CADPS2: variants seen among roughly 807,000 people sequenced by gnomAD.
CADPS2 encodes calcium dependent secretion activator 2.
Under a neutral mutation model 172.5 loss-of-function variants are expected in CADPS2, and 93 were observed. The ratio of observed to expected loss-of-function variants is 0.54; its 90% CI spans 0.46 to 0.64. The LOEUF (loss-of-function observed/expected upper bound fraction) is 0.64. CADPS2 is among the 30% of genes least tolerant of loss of function. CADPS2 has a pLI of 0.00. For synonymous variants in CADPS2, 546 were observed against 555.2 expected (o/e 0.98, Z 0.23); for missense variants, 1,420 against 1,565.9 (o/e 0.91, Z 1.57).
intron 8 of CADPS2, among the ~76,000 whole-genome samples, chr7:122,531,873 A>T (rs2061785040): frequency 1.3e-5 from 2 of 152,072 alleles, no homozygotes; most frequent in Admixed American, 1.3e-4. Context: ...TCTACTAAAA[A>T]TACAAAAATT....
chr7:122,393,690 T>G, intron 20 of CADPS2, 108 bp from the exon 21 acceptor site: 1 of 1,136,390 alleles, frequency 8.8e-7, no homozygotes, highest in Non-Finnish European at 1.3e-6. Flanking sequence ...ACAGAAGAAC[T>G]GATAAAATGC....
At chr7:122,489,999 T>C (rs2058144493) in intron 11 of CADPS2, 82 bp downstream of exon 11, 1 of 1,162,072 alleles carries the variant, frequency 8.6e-7, no homozygotes. Flanking sequence ...ATGTAAACTA[T>C]AATACTGAAT....
chr7:122,789,282 G>T (rs1002251039), intron 1 of CADPS2, among the ~76,000 whole-genome samples: 2 of 152,140 alleles, frequency 1.3e-5, no homozygotes, highest in African/African-American at 4.8e-5. Flanking sequence ...ATACTCTTCA[G>T]AAAGGAAGCT....
intron 1 of CADPS2, among the ~76,000 whole-genome samples, chr7:122,844,709 CAA>C (rs1811495522): frequency 6.6e-6 from 1 of 152,058 alleles, no homozygotes; most frequent in Admixed American, 6.6e-5. Flanking sequence ...TGTATACAAT[CAA>C]GAGTTTATCC....
intron 1 of CADPS2, among the ~76,000 whole-genome samples, chr7:122,756,014 G>A (rs1296283846): frequency 1.3e-5 from 2 of 152,170 alleles, no homozygotes; most frequent in African/African-American, 2.4e-5. Flanking sequence ...AACATCATTT[G>A]TTATTGTTTC....
chr7:122,666,671 G>T (rs896476211), intron 2 of CADPS2, among the ~76,000 whole-genome samples: 2 of 152,102 alleles, frequency 1.3e-5, no homozygotes, highest in African/African-American at 4.8e-5. Context: ...AACATCGGTA[G>T]AGGCTGCCGG....
intron 6 of CADPS2, among the ~76,000 whole-genome samples, chr7:122,594,092 A>G (rs1383785776): frequency 6.6e-6 from 1 of 152,072 alleles, no homozygotes; most frequent in Non-Finnish European, 1.5e-5. Context: ...AACACTGAAT[A>G]AAATTTTTTA....
rs1366387260 is a variant in CADPS2, at chr7:122,319,853, A to T, written c.*312T>A. The T allele has an allele frequency of 4.1e-6, 1 of 245,938 alleles. No homozygotes were observed. Among genetic ancestry groups the T allele is most frequent in the Non-Finnish European group, 7.7e-6 (1 of 129,846 alleles). 15.2% of individuals were successfully genotyped at this position (245,938 alleles called of 1,614,324 possible). The stretch of plus-strand genomic sequence containing the variant: ...TGATGTGATTACAGAAAAATGCTCA[A>T]ATCTTCTTTAAAAAAAAAAGTTCAT... On this transcript the variant is annotated 3_prime_UTR_variant, in exon 30 of 30. Transcript: ENST00000449022.
At chr7:122,702,459 C>A (rs1389041967) in intron 2 of CADPS2, 3 of 1,613,752 alleles carry the variant, frequency 1.9e-6, no homozygotes, top group Non-Finnish European at 2.5e-6. Context: ...CATGAGTCTG[C>A]CTGTTTGGGC....
rs544811264 is a variant in CADPS2 at position 122,722,202 on chromosome 7, C to G, written c.453+14753G>C. On this transcript the variant is annotated intron_variant, in intron 2 of 29. Transcript: ENST00000449022. Reference sequence around the variant, plus strand: ...GGAAGTTCTGGCCAGGGCAATCAGGCAGGAGAAAGAAAGAAAGGGTATTCA... The same window carrying G: ...GGAAGTTCTGGCCAGGGCAATCAGGGAGGAGAAAGAAAGAAAGGGTATTCA... Among the ~76,000 whole-genome samples the G allele has an allele frequency of 5.3e-5, 8 of 152,084 alleles. No homozygotes were observed. In the East Asian group the frequency reaches 1.6e-3, roughly 30 times the overall value.
intron 1 of CADPS2, among the ~76,000 whole-genome samples, chr7:122,823,935 T>TA (rs2140428189): frequency 6.6e-6 from 1 of 152,266 alleles, no homozygotes; most frequent in East Asian, 1.9e-4. Context: ...AGTTCTACTG[T>TA]ACTGCCTCAG....
At chr7:122,576,639 T>A (rs2068075116) in intron 7 of CADPS2, among the ~76,000 whole-genome samples, 1 of 152,156 alleles carries the variant, frequency 6.6e-6, no homozygotes, top group African/African-American at 2.4e-5. Flanking sequence ...CACCCAAATC[T>A]TATCTTGAAT....
At chr7:122,362,103 A>C (rs1361247049) in intron 25 of CADPS2, among the ~76,000 whole-genome samples, 2 of 152,060 alleles carry the variant, frequency 1.3e-5, no homozygotes, top group South Asian at 2.1e-4. Context: ...AAAAAACCAA[A>C]AAACAAACAA....
chr7:122,513,208 GCTAT>G (rs766799232), intron 9 of CADPS2, 37 bp downstream of exon 9: 9 of 1,360,388 alleles, frequency 6.6e-6, no homozygotes, highest in South Asian at 3.9e-5. Flanking sequence ...TTTGAGAACT[GCTAT>G]CTTAGAGTGA....
chr7:122,402,784 C>G (rs1054142113), intron 20 of CADPS2, among the ~76,000 whole-genome samples: 1 of 152,188 alleles, frequency 6.6e-6, no homozygotes, highest in Admixed American at 6.5e-5. Flanking sequence ...CACACACACA[C>G]AGACTGATGC....
intron 1 of CADPS2, among the ~76,000 whole-genome samples, chr7:122,847,809 A>C: frequency 6.6e-6 from 1 of 152,204 alleles, no homozygotes; most frequent in South Asian, 2.1e-4. Flanking sequence ...AAATTGTTTC[A>C]CATATGGAAA....
At chr7:122,379,728 C>T (rs571725839) in intron 24 of CADPS2, among the ~76,000 whole-genome samples, 24 of 152,090 alleles carry the variant, frequency 1.6e-4, no homozygotes, top group Non-Finnish European at 3.4e-4. Context: ...GTGAAGGATA[C>T]TTTTTGTCTT....
intron 2 of CADPS2, among the ~76,000 whole-genome samples, chr7:122,723,333 A>G (rs2090693371): frequency 6.6e-6 from 1 of 152,136 alleles, no homozygotes; most frequent in Non-Finnish European, 1.5e-5. Context: ...CAAATTTACA[A>G]GAAAAAAAAC....
At chr7:122,700,064 C>T (rs2085781213) in intron 2 of CADPS2, among the ~76,000 whole-genome samples, 7 of 152,096 alleles carry the variant, frequency 4.6e-5, no homozygotes, top group Admixed American at 4.6e-4. Context: ...GACATCAAAG[C>T]TAAAGGATGG....
Sources: gnomAD v4.1 joint callset for allele counts (sites outside exome capture counted in the v4.1 genomes callset) on GRCh38, gnomAD v4.1.1 for gene constraint, MANE v1.5 for transcripts, NCBI Gene and HGNC (gene_info 2026-07-23, HGNC 2026-07-21) for gene names.